The following TSPAN14 variants were observed in gnomAD, a reference collection of about 807,000 sequenced individuals.
TSPAN14 encodes the protein tetraspanin-14.
A neutral mutation model predicts 36.6 loss-of-function variants in TSPAN14; 16 were observed. The ratio of observed to expected loss-of-function variants is 0.44; its 90% CI spans 0.30 to 0.66. The LOEUF is 0.66. Among genes scored for constraint, TSPAN14 ranks in the 30% least tolerant of loss-of-function variants. The probability of loss-of-function intolerance (pLI) is 0.12; values close to 1 mark genes in which losing one functional copy is unlikely to be tolerated. For missense variants in TSPAN14, 231 were observed against 355.1 expected, an observed-to-expected ratio of 0.65 and a Z score of 2.81; for synonymous variants, 139 against 143.8, an observed-to-expected ratio of 0.97 and a Z score of 0.24.
intron 1 of TSPAN14, among the ~76,000 whole-genome samples, chr10:80,480,329 T>A (rs970917754): frequency 2.0e-5 from 3 of 152,172 alleles, no homozygotes; most frequent in African/African-American, 4.8e-5. Flanking sequence ...TCCAACACTA[T>A]GTTGAACAGG....
At chr10:80,494,594 C>G (rs1307108483) in intron 2 of TSPAN14, among the ~76,000 whole-genome samples, 1 of 152,136 alleles carries the variant, frequency 6.6e-6, no homozygotes, top group Non-Finnish European at 1.5e-5. Flanking sequence ...AGAGGACTTG[C>G]CACCTCCCAG....
At chr10:80,514,039 G>GTGTGGATACAAC (rs1295697765) in exon 7 of TSPAN14, 1 of 1,614,026 alleles carries the variant, frequency 6.2e-7, no homozygotes, top group Non-Finnish European at 8.5e-7. Flanking sequence ...TGAACACACA[G>GTGTGGATACAAC]TGTGGATATG....
At chr10:80,492,938 A>T (rs1480998004) in intron 2 of TSPAN14, among the ~76,000 whole-genome samples, 1 of 152,170 alleles carries the variant, frequency 6.6e-6, no homozygotes, top group African/African-American at 2.4e-5. Context: ...GGATTGTTAA[A>T]ACCTGCTTGG....
Position 80,505,912 on chromosome 10 carries a change from C to T in TSPAN14, c.132+1134C>T, listed in dbSNP as rs145543363. ...CACACATGTTGAGGACAGGCCTACCCAGGAAGCACAAATTCCAAAGAATGG... is the reference window on the plus strand; with the variant it reads ...CACACATGTTGAGGACAGGCCTACCTAGGAAGCACAAATTCCAAAGAATGG... On this transcript the variant is annotated intron_variant, in intron 3 of 8. Transcript: ENST00000429989. 2.4e-4 allele frequency among the ~76,000 whole-genome samples: 36 copies of T among 152,358 alleles called. No individual in the cohort carries two copies. In the East Asian group the frequency reaches 6.9e-3, roughly 29 times the overall value.
chr10:80,497,467 A>G (rs1051416600), intron 2 of TSPAN14, among the ~76,000 whole-genome samples: 1 of 152,258 alleles, frequency 6.6e-6, no homozygotes, highest in Non-Finnish European at 1.5e-5. Flanking sequence ...TCCCATTATA[A>G]CAGCAGAGTT....
intron 2 of TSPAN14, among the ~76,000 whole-genome samples, chr10:80,499,519 C>T (rs533262552): frequency 1.3e-5 from 2 of 152,228 alleles, no homozygotes; most frequent in East Asian, 1.9e-4. Flanking sequence ...CCTACATCCC[C>T]GGGCTCTTGT....
exon 6 of TSPAN14, chr10:80,512,150 T>C (rs1283179398): frequency 6.2e-7 from 1 of 1,614,196 alleles, no homozygotes; most frequent in South Asian, 1.1e-5. Flanking sequence ...GCAGAACCAG[T>C]GCTGTGGCGC....
At chr10:80,504,670 TGTTCACA>T in intron 2 of TSPAN14, 51 bp from the exon 3 acceptor site, 2 of 1,601,048 alleles carry the variant, frequency 1.2e-6, no homozygotes, top group South Asian at 2.2e-5. Context: ...CTGTGAAGCA[TGTTCACA>T]GTGCTGGTTT....
chr10:80,457,284 C>T (rs1036293063), intron 1 of TSPAN14, among the ~76,000 whole-genome samples: 4 of 151,714 alleles, frequency 2.6e-5, no homozygotes, highest in African/African-American at 9.7e-5. Context: ...CTCCTGGGTT[C>T]AAGTGATTCT....
exon 9 of TSPAN14, chr10:80,518,685 C>T (rs908976886): frequency 6.5e-6 from 1 of 152,838 alleles, no homozygotes; most frequent in Non-Finnish European, 1.5e-5. Context: ...AGCATTAAGC[C>T]CTGATGGCGC....
intron 1 of TSPAN14, among the ~76,000 whole-genome samples, chr10:80,455,365 A>G (rs915331933): frequency 6.6e-6 from 1 of 151,854 alleles, no homozygotes; most frequent in African/African-American, 2.4e-5. Context: ...GCTATCCGGG[A>G]GGTCAGGCGG....
chr10:80,460,253 A>G (rs1446189011), intron 1 of TSPAN14, among the ~76,000 whole-genome samples: 1 of 152,072 alleles, frequency 6.6e-6, no homozygotes, highest in African/African-American at 2.4e-5. Flanking sequence ...TACTAAACTT[A>G]GCTAACTGAA....
intron 7 of TSPAN14, among the ~76,000 whole-genome samples, chr10:80,514,789 T>A (rs1840842198): frequency 6.6e-6 from 1 of 152,180 alleles, no homozygotes; most frequent in South Asian, 2.1e-4. Context: ...ATGTTGGAAC[T>A]TAAACTCCAA....
Position 80,516,671 on chromosome 10 carries a change from G to A in TSPAN14, c.741+348G>A, listed in dbSNP as rs150185183. ...CTGGAGGTAGGTCAGGAGTGTGCTC[G>A]GGGTGGGCCATCAAGTGCTGCAGAT... is the stretch of plus-strand genomic sequence containing the variant. On this transcript the variant is annotated intron_variant, in intron 8 of 8. Coordinates refer to ENST00000429989, the Ensembl canonical transcript of TSPAN14. Among the ~76,000 whole-genome samples the A allele has an allele frequency of 1.6e-3, 241 of 152,272 alleles. 5 individuals carry two copies. The highest frequency in any genetic ancestry group is 0.01 in the Admixed American group (155 of 15,304).
chr10:80,510,744 G>A (rs1457577451), intron 5 of TSPAN14, among the ~76,000 whole-genome samples: 1 of 151,948 alleles, frequency 6.6e-6, no homozygotes, highest in African/African-American at 2.4e-5. Context: ...TGTGGCGGTG[G>A]GCACCTGTAG....
chr10:80,469,894 T>G (rs1263738771), intron 1 of TSPAN14, among the ~76,000 whole-genome samples: 2 of 152,118 alleles, frequency 1.3e-5, no homozygotes, highest in Admixed American at 6.5e-5. Context: ...GGGTTTTTTT[T>G]GTCTTAAAAC....
At chr10:80,519,681 A>G (rs185700131) in exon 9 of TSPAN14, 3 of 152,416 alleles carry the variant, frequency 2.0e-5, no homozygotes, top group Admixed American at 6.5e-5. Flanking sequence ...ATTGCTAAGC[A>G]TCTCAGTGGT....
At chr10:80,483,327 A>G (rs2131999461) in intron 1 of TSPAN14, among the ~76,000 whole-genome samples, 1 of 152,252 alleles carries the variant, frequency 6.6e-6, no homozygotes, top group Non-Finnish European at 1.5e-5. Flanking sequence ...TAAGTCCACC[A>G]CCACCCCATG....
chr10:80,506,852 T>G (rs1443034009), intron 3 of TSPAN14, among the ~76,000 whole-genome samples: 1 of 152,232 alleles, frequency 6.6e-6, no homozygotes, highest in Non-Finnish European at 1.5e-5. Flanking sequence ...CTTCATTAAT[T>G]AGGTGCCAAA....
Sources: gnomAD v4.1 joint callset for allele counts (sites outside exome capture counted in the v4.1 genomes callset) on GRCh38, gnomAD v4.1.1 for gene constraint, MANE v1.5 for transcripts, NCBI Gene and HGNC (gene_info 2026-07-23, HGNC 2026-07-21) for gene names.